The following RARB variants were observed in gnomAD, a reference collection of about 807,000 sequenced individuals.
RARB encodes retinoic acid receptor beta.
A neutral mutation model predicts 51.9 loss-of-function variants in RARB; 17 were observed. The observed-to-expected ratio is 0.33, with a 90% CI of 0.22 to 0.49. The LOEUF (loss-of-function observed/expected upper bound fraction) is 0.49. RARB is among the 20% of genes least tolerant of loss of function. The pLI is 0.99. For synonymous variants in RARB, 215 were observed against 195.4 expected (o/e 1.10, Z -0.84); for missense variants, 369 against 550.8 (o/e 0.67, Z 3.30).
chr3:25,145,504 A>G (rs1162411010), intron 4 of RARB, among the ~76,000 whole-genome samples: 2 of 151,818 alleles, frequency 1.3e-5, no homozygotes, highest in Non-Finnish European at 2.9e-5. Flanking sequence ...AAATTTCAAA[A>G]AAAAGAAAAA....
At chr3:24,862,048 C>A (rs968600131) in intron 2 of RARB, among the ~76,000 whole-genome samples, 1 of 152,150 alleles carries the variant, frequency 6.6e-6, no homozygotes, top group Non-Finnish European at 1.5e-5. Flanking sequence ...AAATGACCAC[C>A]TTTTAAAATC....
intron 1 of RARB, among the ~76,000 whole-genome samples, chr3:25,444,313 C>A (rs894275733): frequency 2.0e-5 from 3 of 152,158 alleles, no homozygotes; most frequent in African/African-American, 7.2e-5. Flanking sequence ...ATATAAATTT[C>A]TATTTTGTTT....
chr3:25,216,243 ATTTC>A (rs143091252), intron 5 of RARB, among the ~76,000 whole-genome samples: 443 of 152,220 alleles, frequency 2.9e-3, no homozygotes, highest in African/African-American at 0.01. Flanking sequence ...GGAATCACTG[ATTTC>A]TTTGGTAATT....
intron 2 of RARB, among the ~76,000 whole-genome samples, chr3:24,930,216 T>C (rs1352737977): frequency 1.3e-5 from 2 of 152,054 alleles, no homozygotes; most frequent in African/African-American, 4.8e-5. Context: ...AGCTGTCTGA[T>C]TTTAGGCAGA....
chr3:24,961,709 C>T (rs1450027976), intron 2 of RARB, among the ~76,000 whole-genome samples: 2 of 152,062 alleles, frequency 1.3e-5, no homozygotes, highest in Admixed American at 1.3e-4. Flanking sequence ...GAATTAATGT[C>T]ATAGGAAACT....
chr3:25,387,397 T>A (rs1706824888), intron 5 of RARB, among the ~76,000 whole-genome samples: 1 of 152,134 alleles, frequency 6.6e-6, no homozygotes, highest in African/African-American at 2.4e-5. Flanking sequence ...CAGCACCTTA[T>A]GGGTAGGAAA....
At chr3:25,035,720 C>G (rs1697978124) in intron 2 of RARB, among the ~76,000 whole-genome samples, 1 of 152,168 alleles carries the variant, frequency 6.6e-6, no homozygotes, top group Non-Finnish European at 1.5e-5. Context: ...ATTGCAATGA[C>G]TCAGCTCTGC....
intron 5 of RARB, among the ~76,000 whole-genome samples, chr3:25,315,034 T>C (rs1381313315): frequency 5.9e-5 from 9 of 152,246 alleles, no homozygotes; most frequent in Admixed American, 2.0e-4. Flanking sequence ...TAGGGCATTA[T>C]TTTATTCTTT....
At chr3:24,998,516 A>G (rs1697091674) in intron 2 of RARB, among the ~76,000 whole-genome samples, 1 of 151,758 alleles carries the variant, frequency 6.6e-6, no homozygotes, top group Non-Finnish European at 1.5e-5. Context: ...GAGTTTTTGC[A>G]GTATTCCTTT....
At chr3:24,907,747 A>T (rs1004415013) in intron 2 of RARB, among the ~76,000 whole-genome samples, 1 of 152,228 alleles carries the variant, frequency 6.6e-6, no homozygotes, top group Non-Finnish European at 1.5e-5. Context: ...AAGATTTAAT[A>T]AGTAAATATC....
intron 5 of RARB, among the ~76,000 whole-genome samples, chr3:25,292,903 G>A (rs567294422): frequency 1.3e-5 from 2 of 152,266 alleles, no homozygotes; most frequent in South Asian, 4.1e-4. Context: ...AATACCTTTG[G>A]GGTCTGTGAA....
Position 24,869,350 on chromosome 3 carries a change from A to G in RARB, c.-380+10598A>G, listed in dbSNP as rs111834694. ...TACAATCAGCATATTTCTAGAGTGT[A>G]GAATTTATGGTTTTCACATAAATGT... On this transcript the variant is annotated intron_variant, in intron 2 of 11. Coordinates refer to the RARB transcript ENST00000383772. Among the ~76,000 whole-genome samples the G allele has an allele frequency of 8.0e-3, 1,216 of 152,318 alleles. 17 individuals carry two copies. The highest frequency in any genetic ancestry group is 0.028 in the African/African-American group (1,160 of 41,590).
At chr3:25,300,722 G>A (rs1704018889) in intron 5 of RARB, among the ~76,000 whole-genome samples, 1 of 152,162 alleles carries the variant, frequency 6.6e-6, no homozygotes, top group Non-Finnish European at 1.5e-5. Context: ...AGGAGTGGTG[G>A]CTCACACCTG....
At chr3:24,937,202 CTCTT>C (rs1360214720) in intron 2 of RARB, among the ~76,000 whole-genome samples, 1 of 152,174 alleles carries the variant, frequency 6.6e-6, no homozygotes, top group Non-Finnish European at 1.5e-5. Context: ...CTTCTTTCTT[CTCTT>C]TATTTTTGCT....
At chr3:25,336,610 T>A (rs1705070496) in intron 5 of RARB, among the ~76,000 whole-genome samples, 1 of 152,158 alleles carries the variant, frequency 6.6e-6, no homozygotes, top group Admixed American at 6.6e-5. Context: ...TAAGGAGGGA[T>A]GTTCCTTCCT....
chr3:25,429,012 A>G (rs909450073), intron 1 of RARB, 124 bp downstream of exon 1: 24 of 1,236,558 alleles, frequency 1.9e-5, no homozygotes, highest in South Asian at 6.7e-5. Context: ...TTAATGCTGA[A>G]GGGGTGTGAT....
chr3:25,536,983 C>G lies in RARB; in HGVS notation c.449-32775C>G, dbSNP rs867575615. Among the ~76,000 whole-genome samples, 98 of 152,256 alleles carry G rather than the reference C, an allele frequency of 6.4e-4. 1 individual carries two copies. Among genetic ancestry groups the G allele is most frequent in the African/African-American group, 2.2e-3 (90 of 41,542 alleles). Reference sequence around the variant, plus strand: ...AGAAATTGAGTAACAGACGAAATTCCCAGAATCATGAGAAAAACTAGTCAA... The same window carrying G: ...AGAAATTGAGTAACAGACGAAATTCGCAGAATCATGAGAAAAACTAGTCAA... On this transcript the variant is annotated intron_variant, in intron 3 of 7. Transcript: ENST00000330688.
intron 3 of RARB, among the ~76,000 whole-genome samples, chr3:25,556,398 C>T (rs988989255): frequency 2.0e-5 from 3 of 152,090 alleles, no homozygotes; most frequent in Admixed American, 2.0e-4. Flanking sequence ...CTTTTAGTAA[C>T]ACATGTGGAC....
chr3:25,254,290 TC>T (rs1326606305), intron 5 of RARB, among the ~76,000 whole-genome samples: 1 of 152,180 alleles, frequency 6.6e-6, no homozygotes, highest in African/African-American at 2.4e-5. Flanking sequence ...ACTTTCCATG[TC>T]CCCATTATTG....
Sources: allele counts gnomAD v4.1 joint callset (sites outside exome capture counted in the v4.1 genomes callset), GRCh38; gene constraint gnomAD v4.1.1; transcripts MANE v1.5; gene names NCBI Gene and HGNC (gene_info 2026-07-23, HGNC 2026-07-21).